Variants in FBXL20 observed in about 807,000 individuals in gnomAD.
FBXL20 encodes the protein F-box/LRR-repeat protein 20.
In FBXL20, 11 loss-of-function variants were observed where a neutral mutation model predicts 64.0. The ratio of observed to expected loss-of-function variants is 0.17; its 90% confidence interval spans 0.11 to 0.28. The LOEUF (loss-of-function observed/expected upper bound fraction) is 0.28. FBXL20 is among the 10% of genes least tolerant of loss of function. The pLI is 1.00. For synonymous variants in FBXL20, 184 were observed against 189.0 expected, an observed-to-expected ratio of 0.97 and a Z score of 0.22; for missense variants, 303 against 526.2, an observed-to-expected ratio of 0.58 and a Z score of 4.15.
Position 39,334,664 on chromosome 17 carries a change from A to T in FBXL20, c.104+8516T>A, listed in dbSNP as rs550981117. On this transcript the variant is annotated intron_variant, in intron 2 of 14. Coordinates refer to ENST00000264658, the MANE Select transcript of FBXL20 (RefSeq NM_032875.3). ...TTTTTTACCTGAATCCTTTAAAAAAATTTCATATTCTTATAGGTAATAACA... is the reference window on the plus strand; with the variant it reads ...TTTTTTACCTGAATCCTTTAAAAAATTTTCATATTCTTATAGGTAATAACA... Among the ~76,000 whole-genome samples, 154 of 152,268 alleles carry T rather than the reference A, an allele frequency of 1.0e-3. 3 individuals are homozygous for T. The highest frequency in any genetic ancestry group is 3.5e-3 in the African/African-American group (147 of 41,552).
At chr17:39,351,979 T>G (rs1360495613) in intron 1 of FBXL20, among the ~76,000 whole-genome samples, 1 of 152,230 alleles carries the variant, frequency 6.6e-6, no homozygotes, top group Non-Finnish European at 1.5e-5. Context: ...TGAAGGCCCT[T>G]GTACCAATGT....
chr17:39,303,644 A>G lies in FBXL20; in HGVS notation c.105-5T>C. On this transcript the variant is annotated splice_polypyrimidine_tract_variant and splice_region_variant and intron_variant, in intron 2 of 14. Coordinates refer to ENST00000264658, the MANE Select transcript of FBXL20 (RefSeq NM_032875.3). Reference sequence around the variant, plus strand: ...ACATCTAGAAAAGAAAATATCCTAAAAAGAAAAGAGAGAAAGACAAATTTT... The same window carrying G: ...ACATCTAGAAAAGAAAATATCCTAAGAAGAAAAGAGAGAAAGACAAATTTT... 1 of 1,606,458 alleles carries G rather than the reference A, an allele frequency of 6.2e-7. No homozygotes were observed. Among genetic ancestry groups the G allele is most frequent in the East Asian group, 2.2e-5 (1 of 44,804 alleles).
intron 6 of FBXL20, among the ~76,000 whole-genome samples, chr17:39,292,552 C>A (rs918179122): frequency 6.6e-6 from 1 of 152,058 alleles, no homozygotes; most frequent in Non-Finnish European, 1.5e-5. Context: ...TACCACCACA[C>A]CTGGCTTGTA....
At chr17:39,304,998 C>T (rs1293751490) in intron 2 of FBXL20, among the ~76,000 whole-genome samples, 1 of 151,982 alleles carries the variant, frequency 6.6e-6, no homozygotes, top group Non-Finnish European at 1.5e-5. Flanking sequence ...GTCAGGTTAT[C>T]CGCCCTGTCT....
intron 1 of FBXL20, among the ~76,000 whole-genome samples, chr17:39,398,999 T>G (rs758162531): frequency 1.7e-4 from 26 of 152,152 alleles, no homozygotes; most frequent in Non-Finnish European, 3.4e-4. Context: ...AAAAAATTTT[T>G]TTTCTATAGC....
At chr17:39,281,612 T>C (rs1050868252) in intron 8 of FBXL20, 149 bp from the exon 9 acceptor site, 7 of 595,430 alleles carry the variant, frequency 1.2e-5, no homozygotes, top group African/African-American at 5.6e-5. Flanking sequence ...TATGATCATA[T>C]AACAGTATAA....
chr17:39,335,403 C>T (rs1483209698), intron 2 of FBXL20, among the ~76,000 whole-genome samples: 3 of 151,736 alleles, frequency 2.0e-5, no homozygotes, highest in African/African-American at 7.3e-5. Flanking sequence ...TTAATTATCC[C>T]GCTGCAGTGT....
intron 2 of FBXL20, among the ~76,000 whole-genome samples, chr17:39,309,463 C>T (rs2047211754): frequency 6.6e-6 from 1 of 152,004 alleles, no homozygotes; most frequent in Admixed American, 6.6e-5. Flanking sequence ...ATTTCTCTTC[C>T]TTCTTGTCAA....
chr17:39,392,261 G>C (rs542147877), intron 1 of FBXL20, among the ~76,000 whole-genome samples: 1 of 152,060 alleles, frequency 6.6e-6, no homozygotes, highest in Non-Finnish European at 1.5e-5. Context: ...CCAACATGGT[G>C]AAACCCCATA....
rs575502876 is a variant in FBXL20 at position 39,294,973 on chromosome 17, C to CA, written c.398+2153dup. Among the ~76,000 whole-genome samples, 414 of 151,946 alleles carry CA rather than the reference C, an allele frequency of 2.7e-3. 1 individual carries two copies. Among genetic ancestry groups the CA allele is most frequent in the African/African-American group, 9.3e-3 (386 of 41,466 alleles). Reference sequence around the variant, plus strand: ...AACAGGGCAAGACATCGTCTCAAAACAAAAAAAGTTAATGCACTCATATGA... The same window carrying CA: ...AACAGGGCAAGACATCGTCTCAAAACAAAAAAAAGTTAATGCACTCATATGA... On this transcript the variant is annotated intron_variant, in intron 6 of 14. Coordinates refer to ENST00000264658, the MANE Select transcript of FBXL20 (RefSeq NM_032875.3).
At chr17:39,357,672 C>T (rs144774288) in intron 1 of FBXL20, among the ~76,000 whole-genome samples, 5 of 152,310 alleles carry the variant, frequency 3.3e-5, no homozygotes, top group Middle Eastern at 3.4e-3. Flanking sequence ...AGCCTCCCAA[C>T]GTGTTGCGAC....
chr17:39,401,241 C>T, intron 1 of FBXL20, 120 bp downstream of exon 1: 10 of 1,566,834 alleles, frequency 6.4e-6, no homozygotes, highest in Non-Finnish European at 8.6e-6. Context: ...AGTCTGGCAG[C>T]CCCGCCAGTG....
intron 7 of FBXL20, 89 bp downstream of exon 7, chr17:39,285,389 T>G: frequency 5.1e-6 from 4 of 779,812 alleles, no homozygotes; most frequent in Non-Finnish European, 7.8e-6. Flanking sequence ...TAAAACAGAG[T>G]TGCCTTCAAT....
At chr17:39,295,784 G>GATAATATAT (rs1555605408) in intron 6 of FBXL20, among the ~76,000 whole-genome samples, 2 of 137,068 alleles carry the variant, frequency 1.5e-5, no homozygotes, top group African/African-American at 2.7e-5. Flanking sequence ...CAAATATGGA[G>GATAATATAT]ATATATATAT....
chr17:39,376,440 T>A (rs1474242829), intron 1 of FBXL20, among the ~76,000 whole-genome samples: 1 of 152,152 alleles, frequency 6.6e-6, no homozygotes, highest in Non-Finnish European at 1.5e-5. Context: ...AGGGCATTGG[T>A]AAGCTCTGAT....
intron 14 of FBXL20, among the ~76,000 whole-genome samples, chr17:39,262,940 T>C (rs1002294779): frequency 1.3e-5 from 2 of 151,870 alleles, no homozygotes; most frequent in African/African-American, 4.8e-5. Flanking sequence ...AGGCAGAGCT[T>C]GCAGTGAGCC....
At chr17:39,399,635 T>TA (rs1461400402) in intron 1 of FBXL20, among the ~76,000 whole-genome samples, 4 of 152,184 alleles carry the variant, frequency 2.6e-5, no homozygotes, top group Non-Finnish European at 5.9e-5. Flanking sequence ...TTCTTTTTTT[T>TA]ACCTTCTCAG....
chr17:39,363,810 C>CAAAAAAAAAAAAACAAAAAAAAAAA (rs1567896911), intron 1 of FBXL20, among the ~76,000 whole-genome samples: 1 of 26,648 alleles, frequency 3.8e-5, no homozygotes, highest in Non-Finnish European at 6.4e-5. Context: ...GACTTTATCT[C>CAAAAAAAAAAAAACAAAAAAAAAAA]AAAAAAAAAA....
At chr17:39,371,038 G>A (rs1220064350) in intron 1 of FBXL20, among the ~76,000 whole-genome samples, 1 of 151,694 alleles carries the variant, frequency 6.6e-6, no homozygotes. Flanking sequence ...GACCACCATG[G>A]AGAAACCCCA....
Sources: allele counts gnomAD v4.1 joint callset (sites outside exome capture counted in the v4.1 genomes callset), GRCh38; gene constraint gnomAD v4.1.1; transcripts MANE v1.5; gene names NCBI Gene and HGNC (gene_info 2026-07-23, HGNC 2026-07-21).